NFAM1: variants seen among roughly 807,000 people sequenced by gnomAD.
NFAM1 encodes NFAT activating protein with ITAM motif 1, also known as NFAT activation molecule 1.
A neutral mutation model predicts 29.0 loss-of-function variants in NFAM1; 17 were observed. The observed-to-expected ratio is 0.59, with a 90% confidence interval of 0.40 to 0.88. The LOEUF is 0.88. NFAM1 is among the 40% of genes least tolerant of loss of function. The pLI, the probability that NFAM1 is intolerant of heterozygous loss-of-function variation, is 0.00. For synonymous variants in NFAM1, 175 were observed against 147.2 expected, an observed-to-expected ratio of 1.19 and a Z score of -1.36; for missense variants, 324 against 344.6, an observed-to-expected ratio of 0.94 and a Z score of 0.47.
At chr22:42,429,937 A>C (rs1930740904) in intron 1 of NFAM1, among the ~76,000 whole-genome samples, 1 of 152,178 alleles carries the variant, frequency 6.6e-6, no homozygotes, top group South Asian at 2.1e-4. Context: ...AGTGACAGAT[A>C]GATGAAGGGG....
At chr22:42,433,313 T>C (rs1207696530), upstream of NFAM1, among the ~76,000 whole-genome samples, 1 of 152,154 alleles carries the variant, frequency 6.6e-6, no homozygotes, top group Non-Finnish European at 1.5e-5. Flanking sequence ...GTGGCTGAGT[T>C]TCAGCGCATG....
At chr22:42,407,355 T>A (rs890774024) in intron 3 of NFAM1, among the ~76,000 whole-genome samples, 7 of 152,008 alleles carry the variant, frequency 4.6e-5, no homozygotes, top group Non-Finnish European at 1.0e-4. Flanking sequence ...GTGCCAGGAT[T>A]ACAAGCATAA....
At chr22:42,398,949 C>T (rs1007275248) in intron 3 of NFAM1, among the ~76,000 whole-genome samples, 11 of 152,088 alleles carry the variant, frequency 7.2e-5, no homozygotes, top group African/African-American at 1.9e-4. Context: ...GTGGTTTTGC[C>T]GAAACATGGT....
intron 3 of NFAM1, among the ~76,000 whole-genome samples, chr22:42,403,700 T>C (rs762342072): frequency 6.6e-6 from 1 of 152,258 alleles, no homozygotes; most frequent in Non-Finnish European, 1.5e-5. Flanking sequence ...GGGCCTACTA[T>C]GTCAGGGGAC....
chr22:42,398,385 A>T lies in NFAM1; in HGVS notation c.565-429T>A, dbSNP rs118096529. Among the ~76,000 whole-genome samples the T allele has an allele frequency of 2.3e-3, 142 of 60,518 alleles. 1 individual carries two copies. Among genetic ancestry groups the T allele is most frequent in the Admixed American group, 7.2e-3 (28 of 3,870 alleles). The allele number at this position is 60,518 out of a possible 152,430, so 39.7% of individuals were successfully genotyped here. ...TCCCCTCTGGGCCTTGGTTTTATTTATTATTATTATTATTATTATTATTAT... is the reference window on the plus strand; with the variant it reads ...TCCCCTCTGGGCCTTGGTTTTATTTTTTATTATTATTATTATTATTATTAT... On this transcript the variant is annotated intron_variant, in intron 3 of 5. Transcript: ENST00000329021.
chr22:42,407,665 T>C (rs1403602461), intron 3 of NFAM1, among the ~76,000 whole-genome samples: 1 of 152,168 alleles, frequency 6.6e-6, no homozygotes, highest in Admixed American at 6.5e-5. Flanking sequence ...CACAGCTCAC[T>C]GCAGCTTTGA....
At chr22:42,421,043 G>A (rs1323114604) in intron 1 of NFAM1, among the ~76,000 whole-genome samples, 1 of 152,176 alleles carries the variant, frequency 6.6e-6, no homozygotes, top group Admixed American at 6.5e-5. Context: ...CTACAGGCTG[G>A]CCCTGTGACA....
chr22:42,422,872 T>C (rs926405752), intron 1 of NFAM1, among the ~76,000 whole-genome samples: 4 of 152,006 alleles, frequency 2.6e-5, no homozygotes, highest in African/African-American at 9.7e-5. Context: ...CCTAGCACTT[T>C]GGGAGGCCGA....
At chr22:42,423,749 C>A (rs1185995776) in intron 1 of NFAM1, among the ~76,000 whole-genome samples, 1 of 147,894 alleles carries the variant, frequency 6.8e-6, no homozygotes, top group Non-Finnish European at 1.5e-5. Context: ...GAGATGGAGT[C>A]TCACCTTGTT....
At chr22:42,432,710 T>C (rs184447571), upstream of NFAM1, among the ~76,000 whole-genome samples, 6 of 152,304 alleles carry the variant, frequency 3.9e-5, no homozygotes, top group Admixed American at 3.3e-4. Context: ...CTTCGGGCCT[T>C]GGTTTAGCCT....
chr22:42,401,005 T>C (rs1173858800), intron 3 of NFAM1, among the ~76,000 whole-genome samples: 1 of 152,128 alleles, frequency 6.6e-6, no homozygotes, highest in African/African-American at 2.4e-5. Flanking sequence ...CTGGCCCTCC[T>C]ACGCGCTGGG....
chr22:42,410,435 G>A (rs900762676), intron 2 of NFAM1: 8 of 378,190 alleles, frequency 2.1e-5, no homozygotes, highest in South Asian at 5.7e-5. Flanking sequence ...TGAGGTGGGC[G>A]GATCACTTGA....
chr22:42,400,522 G>A (rs1569228655), intron 3 of NFAM1, among the ~76,000 whole-genome samples: 1 of 152,196 alleles, frequency 6.6e-6, no homozygotes, highest in Admixed American at 6.5e-5. Flanking sequence ...GGAGGCTGAG[G>A]CAGAGAATTG....
intron 4 of NFAM1, among the ~76,000 whole-genome samples, chr22:42,392,188 AG>A (rs144949748): frequency 0.1 from 15,963 of 152,166 alleles, 1,272 homozygotes; most frequent in Admixed American, 0.26. Flanking sequence ...TTTACAGTTC[AG>A]GGTTCCACTG....
intron 3 of NFAM1, among the ~76,000 whole-genome samples, chr22:42,399,231 G>T (rs111425933): frequency 0.059 from 9,039 of 151,942 alleles, 494 homozygotes; most frequent in African/African-American, 0.13. Flanking sequence ...TGGATCACCT[G>T]AGATCAGGAG....
intron 1 of NFAM1, among the ~76,000 whole-genome samples, chr22:42,422,069 A>G (rs1378120285): frequency 3.3e-5 from 5 of 152,298 alleles, no homozygotes; most frequent in Non-Finnish European, 1.5e-5. Context: ...TTGCCTTTGG[A>G]ATGGCGCCAT....
At chr22:42,401,004 C>G (rs1407812181) in intron 3 of NFAM1, among the ~76,000 whole-genome samples, 1 of 152,172 alleles carries the variant, frequency 6.6e-6, no homozygotes, top group African/African-American at 2.4e-5. Flanking sequence ...CCTGGCCCTC[C>G]TACGCGCTGG....
chr22:42,411,607 T>G lies in NFAM1; in HGVS notation c.251A>C (p.His84Pro), dbSNP rs758386170. The part of the protein sequence containing the change: ...QFKVFTVSYF[H>P]EDLQGQRSPK... ...GCTCCTCTGTCCCTGGAGATCTTCA[T>G]GAAAGTAGCTGACTGTGAAAACCTT... is the stretch of plus-strand genomic sequence containing the variant. Residue 84 changes from histidine (H) to proline (P), a missense_variant, in exon 2 of 6, where the codon CAT (histidine) becomes CCT (proline). Transcript: ENST00000329021. 1.2e-6 allele frequency: 2 copies of G among 1,614,176 alleles called. No individual in the cohort carries two copies. Among genetic ancestry groups the G allele is most frequent in the Admixed American group, 1.7e-5 (1 of 60,010 alleles).
chr22:42,411,868 C>G, intron 1 of NFAM1, 132 bp from the exon 2 acceptor site: 2 of 639,076 alleles, frequency 3.1e-6, no homozygotes, highest in East Asian at 5.5e-5. Context: ...GAGGCCGAGG[C>G]AGGCGGATCA....
Sources: gnomAD v4.1 joint callset for allele counts (sites outside exome capture counted in the v4.1 genomes callset) on GRCh38, gnomAD v4.1.1 for gene constraint, MANE v1.5 for transcripts, NCBI Gene and HGNC (gene_info 2026-07-23, HGNC 2026-07-21) for gene names.